Variants in TTC7A observed in about 807,000 individuals in gnomAD.
TTC7A encodes tetratricopeptide repeat protein 7A.
In TTC7A, 110 loss-of-function variants were observed where a neutral mutation model predicts 103.7. The observed-to-expected ratio is 1.06, with a 90% CI of 0.91 to 1.24. The LOEUF is 1.24. Ranked by LOEUF, TTC7A falls within the 50% of genes most tolerant of loss-of-function variation. The probability of loss-of-function intolerance (pLI) is 0.00; values close to 1 mark genes in which losing one functional copy is unlikely to be tolerated. For missense variants in TTC7A, 1,340 were observed against 1,116.3 expected (o/e 1.20, Z -2.86); for synonymous variants, 521 against 467.9 (o/e 1.11, Z -1.47).
chr2:47,034,065 C>T (rs184908818), intron 15 of TTC7A: 1 of 152,330 alleles, frequency 6.6e-6, no homozygotes, highest in East Asian at 1.9e-4. Context: ...GATTTCTGTG[C>T]TGTGGGATGA....
In TTC7A at chr2:46,944,480, A is replaced by G. The variant is rs1047062016; in HGVS notation, c.184+2755A>G. Among the ~76,000 whole-genome samples, 11 of 150,008 alleles carry G rather than the reference A, an allele frequency of 7.3e-5. No individual in the cohort carries two copies. In the Admixed American group the frequency reaches 7.5e-4, roughly 10 times the overall value. On this transcript the variant is annotated intron_variant, in intron 1 of 19. Coordinates refer to ENST00000319190, the MANE Select transcript of TTC7A (RefSeq NM_020458.4). ...CTACACACTCAAACTCGTGGGCTCA[A>G]GGGAACCTTCCACCTCAGCCTCCTG... is the stretch of plus-strand genomic sequence containing the variant.
Position 46,995,169 on chromosome 2 carries a change from C to G in TTC7A, c.1035C>G (p.Ala345=), listed in dbSNP as rs767194875. Residue 345 remains alanine (A), a synonymous_variant, in exon 8 of 20, where the codon GCC becomes GCG. Transcript: ENST00000319190. ...GCCCCAAGGACAACATCGAGGAAGCCCTCCTGCTCCTCCTCATCAGCGAAT... is the reference window on the plus strand; with the variant it reads ...GCCCCAAGGACAACATCGAGGAAGCGCTCCTGCTCCTCCTCATCAGCGAAT... ...LYCPKDNIEE[A]LLLLLISESM... The G allele has an allele frequency of 6.2e-7, 1 of 1,614,164 alleles. No individual in the cohort carries two copies. The highest frequency in any genetic ancestry group is 1.1e-5 in the South Asian group (1 of 91,076).
intron 10 of TTC7A, among the ~76,000 whole-genome samples, chr2:47,008,929 G>A (rs1677723970): frequency 6.6e-6 from 1 of 151,992 alleles, no homozygotes; most frequent in Admixed American, 6.5e-5. Context: ...TGCTGCTCCG[G>A]CTGCTGAGTC....
At chr2:46,927,119 G>A (rs1035118761) in intron 2 of TTC7A, among the ~76,000 whole-genome samples, 1 of 152,050 alleles carries the variant, frequency 6.6e-6, no homozygotes, top group African/African-American at 2.4e-5. Context: ...AATTCAGTGA[G>A]GTCTTACTTG....
chr2:47,000,127 T>A (rs556539427), intron 8 of TTC7A, among the ~76,000 whole-genome samples: 1 of 152,256 alleles, frequency 6.6e-6, no homozygotes, highest in South Asian at 2.1e-4. Context: ...CTGGTACATT[T>A]TGGTTGTTCA....
At chr2:47,034,750 C>T (rs1037499525) in intron 15 of TTC7A, among the ~76,000 whole-genome samples, 1 of 152,174 alleles carries the variant, frequency 6.6e-6, no homozygotes, top group African/African-American at 2.4e-5. Flanking sequence ...CTTCCCACCC[C>T]CTGGAACCTC....
At chr2:47,032,168 A>C (rs967374378) in intron 15 of TTC7A, among the ~76,000 whole-genome samples, 1 of 152,232 alleles carries the variant, frequency 6.6e-6, no homozygotes, top group African/African-American at 2.4e-5. Flanking sequence ...GACTGCCCCC[A>C]GGAGGCCCAA....
chr2:47,029,113 C>A, intron 14 of TTC7A, 111 bp from the exon 15 acceptor site: 1 of 1,330,048 alleles, frequency 7.5e-7, no homozygotes, highest in Non-Finnish European at 1.0e-6. Flanking sequence ...CCCCCAGTGC[C>A]TGGGGCTCCC....
intron 5 of TTC7A, among the ~76,000 whole-genome samples, chr2:46,993,104 T>A (rs922881439): frequency 6.6e-6 from 1 of 152,214 alleles, no homozygotes. Context: ...AATTTGAGAC[T>A]GACTGAGGTC....
At chr2:47,035,580 C>G (rs553902965) in intron 15 of TTC7A, 2 of 152,352 alleles carry the variant, frequency 1.3e-5, no homozygotes, top group East Asian at 3.9e-4. Flanking sequence ...AGTGGTCTGC[C>G]TACATTCAGA....
At chr2:47,058,853 A>G (rs952289999) in intron 18 of TTC7A, among the ~76,000 whole-genome samples, 2 of 150,176 alleles carry the variant, frequency 1.3e-5, no homozygotes, top group African/African-American at 2.5e-5. Context: ...CCCATTTCCT[A>G]CTCCTCTGGT....
intron 16 of TTC7A, among the ~76,000 whole-genome samples, chr2:47,049,219 T>C (rs1392776973): frequency 1.3e-5 from 2 of 152,082 alleles, no homozygotes; most frequent in African/African-American, 2.4e-5. Flanking sequence ...GGGTCAAAGG[T>C]TGTGGGCTTC....
At chr2:46,970,818 G>C (rs907364113) in intron 3 of TTC7A, among the ~76,000 whole-genome samples, 4 of 152,330 alleles carry the variant, frequency 2.6e-5, no homozygotes, top group Middle Eastern at 3.4e-3. Flanking sequence ...TCCCCCTCCT[G>C]GTTGTGAGTC....
At chr2:47,070,236 CTG>C (rs1204875971) in intron 19 of TTC7A, among the ~76,000 whole-genome samples, 20 of 152,370 alleles carry the variant, frequency 1.3e-4, no homozygotes, top group Middle Eastern at 3.4e-3. Flanking sequence ...TGGCCACACA[CTG>C]TGCCTCTGCA....
At chr2:46,954,657 C>G (rs1034324874) in intron 2 of TTC7A, among the ~76,000 whole-genome samples, 1 of 150,990 alleles carries the variant, frequency 6.6e-6, no homozygotes, top group Non-Finnish European at 1.5e-5. Context: ...CTGCAACCTC[C>G]GCCTCCCGGG....
chr2:47,051,746 G>A lies in TTC7A; in HGVS notation c.2018G>A (p.Gly673Asp). The change falls in exon 18 of 20, where the codon GGC becomes GAC. Residue 673 changes from glycine (G) to aspartate (D), a missense_variant and splice_region_variant. By Grantham distance (94) the Gly-to-Asp change is moderately conservative. Transcript: ENST00000319190. ...TLPDAHDADS[G>D]SRRASSIAAS... ...CGGCTCGTGCCCTCTTGCTCTGCAG[G>A]CTCCCGGCGGGCTTCGTCCATCGCC... is the stretch of plus-strand genomic sequence containing the variant. The A allele has an allele frequency of 1.2e-6, 2 of 1,608,992 alleles. No individual in the cohort carries two copies. The highest frequency in any genetic ancestry group is 1.7e-6 in the Non-Finnish European group (2 of 1,178,332).
intron 10 of TTC7A, 50 bp from the exon 11 acceptor site, chr2:47,011,281 T>G: frequency 6.1e-5 from 95 of 1,545,480 alleles, no homozygotes; most frequent in Non-Finnish European, 7.6e-5. Context: ...TGTGGGCCCT[T>G]GAGATCCAGG....
In TTC7A at chr2:47,007,197, C is replaced by T. The variant is rs555185627; in HGVS notation, c.1287+473C>T. Among the ~76,000 whole-genome samples, 25 of 152,104 alleles carry T rather than the reference C, an allele frequency of 1.6e-4. No homozygotes were observed. The highest frequency in any genetic ancestry group is 5.8e-4 in the African/African-American group (24 of 41,476). The stretch of plus-strand genomic sequence containing the variant: ...GAACAGCAGCACCCACAAGGGAGTT[C>T]GGAGGGAGTACTGCATGATGCATGG... On this transcript the variant is annotated intron_variant, in intron 10 of 19. Transcript: ENST00000319190. The surrounding 1 kb of genome is among the most constrained non-coding windows in gnomAD (Gnocchi z 4.9).
intron 2 of TTC7A, among the ~76,000 whole-genome samples, chr2:46,925,943 GATCTT>G (rs1669361172): frequency 1.3e-5 from 2 of 152,172 alleles, no homozygotes; most frequent in Admixed American, 6.5e-5. Flanking sequence ...TGTCAGCTAA[GATCTT>G]ATTTTTTGGA....
Sources: allele counts gnomAD v4.1 joint callset (sites outside exome capture counted in the v4.1 genomes callset), GRCh38; gene constraint gnomAD v4.1.1; non-coding constraint Gnocchi (gnomAD v3.1); transcripts MANE v1.5; gene names NCBI Gene and HGNC (gene_info 2026-07-23, HGNC 2026-07-21).